The following EPB41L4B variants were observed in gnomAD, a reference collection of about 807,000 sequenced individuals.
EPB41L4B encodes erythrocyte membrane protein band 4.1 like 4B.
Under a neutral mutation model 112.5 loss-of-function variants are expected in EPB41L4B, and 30 were observed. The observed-to-expected ratio is 0.27, with a 90% CI of 0.20 to 0.36. EPB41L4B has a LOEUF of 0.36. Ranked by LOEUF, EPB41L4B falls within the 10% of genes least tolerant of loss-of-function variation. The pLI, the probability that EPB41L4B is intolerant of heterozygous loss-of-function variation, is 1.00. For synonymous variants in EPB41L4B, 408 were observed against 439.7 expected (o/e 0.93, Z 0.90); for missense variants, 1,024 against 1,133.3 (o/e 0.90, Z 1.38).
chr9:109,259,757 A>C (rs1835131152), intron 6 of EPB41L4B, among the ~76,000 whole-genome samples: 1 of 152,164 alleles, frequency 6.6e-6, no homozygotes, highest in Non-Finnish European at 1.5e-5. Flanking sequence ...TTAATTTTTA[A>C]ATCCACCACA....
chr9:109,230,042 T>G (rs550450003), intron 15 of EPB41L4B, among the ~76,000 whole-genome samples: 16 of 152,306 alleles, frequency 1.1e-4, no homozygotes, highest in Admixed American at 1.0e-3. Flanking sequence ...ACCTCCTGAT[T>G]GAACACCAGT....
chr9:109,280,264 G>A (rs1046108513), intron 1 of EPB41L4B, among the ~76,000 whole-genome samples: 10 of 152,190 alleles, frequency 6.6e-5, no homozygotes, highest in African/African-American at 2.4e-4. Flanking sequence ...TTACTCTAGC[G>A]TAGCAAAAGC....
At chr9:109,225,739 G>C (rs1170223820) in intron 15 of EPB41L4B, among the ~76,000 whole-genome samples, 1 of 152,106 alleles carries the variant, frequency 6.6e-6, no homozygotes, top group African/African-American at 2.4e-5. Context: ...GAACCAACAA[G>C]GAAGACTTCC....
intron 1 of EPB41L4B, among the ~76,000 whole-genome samples, chr9:109,308,905 C>G (rs971989069): frequency 3.3e-5 from 5 of 152,074 alleles, no homozygotes; most frequent in Admixed American, 6.5e-5. Flanking sequence ...TGGTGAAACC[C>G]TGTCTCTACT....
At chr9:109,188,240 G>A (rs1386187768) in intron 22 of EPB41L4B, among the ~76,000 whole-genome samples, 3 of 152,178 alleles carry the variant, frequency 2.0e-5, no homozygotes, top group Non-Finnish European at 4.4e-5. Context: ...GGAAAGGGAG[G>A]AGGAGTAGAC....
intron 21 of EPB41L4B, among the ~76,000 whole-genome samples, chr9:109,193,577 C>T (rs1315754082): frequency 6.6e-6 from 1 of 152,244 alleles, no homozygotes; most frequent in Non-Finnish European, 1.5e-5. Context: ...CACCTTTTCT[C>T]TGTGTAGTCA....
intron 1 of EPB41L4B, among the ~76,000 whole-genome samples, chr9:109,281,628 C>T (rs1362682025): frequency 2.0e-5 from 3 of 151,934 alleles, no homozygotes; most frequent in Admixed American, 2.0e-4. Flanking sequence ...GAAGTTGCAG[C>T]GAGCCGAGAT....
At chr9:109,281,828 A>G (rs1836074256) in intron 1 of EPB41L4B, among the ~76,000 whole-genome samples, 1 of 152,228 alleles carries the variant, frequency 6.6e-6, no homozygotes, top group African/African-American at 2.4e-5. Flanking sequence ...TCTGGAAAAT[A>G]GCCTGGCAGT....
chr9:109,212,181 T>A (rs1203299780), intron 17 of EPB41L4B, among the ~76,000 whole-genome samples: 1 of 152,200 alleles, frequency 6.6e-6, no homozygotes, highest in Non-Finnish European at 1.5e-5. Flanking sequence ...ATAGAGCTTG[T>A]GAGTTCTGTG....
At chr9:109,180,309 A>C (rs1024967756) in intron 24 of EPB41L4B, among the ~76,000 whole-genome samples, 1 of 152,130 alleles carries the variant, frequency 6.6e-6, no homozygotes. Flanking sequence ...AGCTTTCGGG[A>C]AGGGCTTCCC....
intron 21 of EPB41L4B, among the ~76,000 whole-genome samples, chr9:109,193,417 T>G (rs1832530014): frequency 6.6e-6 from 1 of 152,258 alleles, no homozygotes; most frequent in South Asian, 2.1e-4. Flanking sequence ...CAGGGCAAGA[T>G]AGCAGATCTT....
At chr9:109,276,547 C>T (rs1435262622) in intron 2 of EPB41L4B, among the ~76,000 whole-genome samples, 6 of 152,190 alleles carry the variant, frequency 3.9e-5, no homozygotes, top group African/African-American at 1.2e-4. Context: ...GGACCCTCGC[C>T]CTCCCACCTG....
intron 6 of EPB41L4B, among the ~76,000 whole-genome samples, chr9:109,258,877 G>A (rs1407570258): frequency 6.6e-6 from 1 of 152,164 alleles, no homozygotes; most frequent in South Asian, 2.1e-4. Flanking sequence ...CAGCTGTGCA[G>A]AAAGGAGGGA....
chr9:109,289,411 T>C (rs1325181163), intron 1 of EPB41L4B, among the ~76,000 whole-genome samples: 3 of 152,208 alleles, frequency 2.0e-5, no homozygotes, highest in African/African-American at 7.2e-5. Flanking sequence ...CAAGTAACAC[T>C]CTTCATTATT....
At chr9:109,302,609 C>T (rs191591342) in intron 1 of EPB41L4B, among the ~76,000 whole-genome samples, 1 of 152,108 alleles carries the variant, frequency 6.6e-6, no homozygotes, top group East Asian at 1.9e-4. Flanking sequence ...GGGATGTCAT[C>T]CCTGTCAGGA....
intron 15 of EPB41L4B, among the ~76,000 whole-genome samples, chr9:109,222,244 G>C (rs915438511): frequency 3.3e-5 from 5 of 152,114 alleles, no homozygotes; most frequent in African/African-American, 1.2e-4. Flanking sequence ...AATAGATGAG[G>C]GTCAGAGAAG....
intron 15 of EPB41L4B, among the ~76,000 whole-genome samples, chr9:109,219,716 A>C (rs988551523): frequency 6.6e-6 from 1 of 152,258 alleles, no homozygotes; most frequent in East Asian, 1.9e-4. Context: ...ATAAAAGTAA[A>C]TATGTTAATA....
At chr9:109,265,250 A>G (rs1835359017) in intron 4 of EPB41L4B, among the ~76,000 whole-genome samples, 2 of 152,328 alleles carry the variant, frequency 1.3e-5, no homozygotes, top group South Asian at 4.1e-4. Context: ...AACTCGCAAG[A>G]TACTTGTAGG....
chr9:109,239,173 AAG>A (rs1834263790), intron 15 of EPB41L4B, among the ~76,000 whole-genome samples: 1 of 152,204 alleles, frequency 6.6e-6, no homozygotes, highest in South Asian at 2.1e-4. Context: ...TGCCAGTAAG[AAG>A]AGAGAAGAAA....
Sources: gnomAD v4.1 joint callset for allele counts (sites outside exome capture counted in the v4.1 genomes callset) on GRCh38, gnomAD v4.1.1 for gene constraint, MANE v1.5 for transcripts, NCBI Gene and HGNC (gene_info 2026-07-23, HGNC 2026-07-21) for gene names.